Variants in PPP1R12A observed in about 807,000 individuals in gnomAD.
PPP1R12A encodes protein phosphatase 1 regulatory subunit 12A.
Under a neutral mutation model 139.6 loss-of-function variants are expected in PPP1R12A, and 19 were observed. The ratio of observed to expected loss-of-function variants is 0.14; its 90% confidence interval spans 0.09 to 0.20. The LOEUF (loss-of-function observed/expected upper bound fraction) is 0.20, where lower values mean the gene tolerates loss of function less well. Among genes scored for constraint, PPP1R12A ranks in the 10% least tolerant of loss-of-function variants. The pLI, the probability that PPP1R12A is intolerant of heterozygous loss-of-function variation, is 1.00. For missense variants in PPP1R12A, 925 were observed against 1,211.5 expected, an observed-to-expected ratio of 0.76 and a Z score of 3.51; for synonymous variants, 427 against 420.6, an observed-to-expected ratio of 1.02 and a Z score of -0.19.
intron 1 of PPP1R12A, among the ~76,000 whole-genome samples, chr12:79,891,173 T>TA (rs926047541): frequency 6.6e-6 from 1 of 152,088 alleles, no homozygotes; most frequent in Non-Finnish European, 1.5e-5. Flanking sequence ...GATATGTTTT[T>TA]AAAAAAATAA....
At chr12:79,791,537 AG>A (rs1324192160) in intron 19 of PPP1R12A, among the ~76,000 whole-genome samples, 1 of 152,172 alleles carries the variant, frequency 6.6e-6, no homozygotes, top group African/African-American at 2.4e-5. Context: ...TATGTTGCCC[AG>A]GTTGGTCTTG....
chr12:79,831,463 G>A (rs1051627227), intron 4 of PPP1R12A, among the ~76,000 whole-genome samples: 1 of 152,062 alleles, frequency 6.6e-6, no homozygotes, highest in Non-Finnish European at 1.5e-5. Flanking sequence ...CATGCTTGTA[G>A]TCCCAGCTAC....
intron 1 of PPP1R12A, among the ~76,000 whole-genome samples, chr12:79,921,601 A>G (rs958113029): frequency 2.6e-5 from 4 of 152,154 alleles, no homozygotes; most frequent in African/African-American, 7.2e-5. Flanking sequence ...ACTTATTTAC[A>G]TTGTAATCAT....
In PPP1R12A at chr12:79,795,641, T is replaced by C. The variant is rs375960816; in HGVS notation, c.2580A>G (p.Gln860=). 1.9e-5 allele frequency: 30 copies of C among 1,610,482 alleles called. No homozygotes were observed. The African/African-American group carries it at 2.3e-4, about 12-fold the overall frequency. The change falls in exon 18 of 25, where the codon CAA becomes CAG. Residue 860 remains glutamine, a synonymous_variant. Coordinates refer to ENST00000450142, the MANE Select transcript of PPP1R12A (RefSeq NM_002480.3). ...ATGTATTTTAATAGGTTCTCACATC[T>C]TGTGTCCAAAATGAAACTCCTGTAG... The part of the protein sequence containing the change: ...RRSTGVSFWT[Q]DSDENEQEQQ...
chr12:79,923,256 T>C (rs538884039), intron 1 of PPP1R12A, among the ~76,000 whole-genome samples: 2 of 152,238 alleles, frequency 1.3e-5, no homozygotes, highest in East Asian at 1.9e-4. Flanking sequence ...CCTGAGCTGC[T>C]GAGGGAGACT....
chr12:79,935,118 G>C (rs1413910480), upstream of PPP1R12A: 6 of 1,367,312 alleles, frequency 4.4e-6, no homozygotes, highest in African/African-American at 1.5e-5. Context: ...ACCCGGCCGA[G>C]CGGACCTCCC....
At chr12:79,812,447 G>A (rs1874720646) in intron 9 of PPP1R12A, among the ~76,000 whole-genome samples, 2 of 146,428 alleles carry the variant, frequency 1.4e-5, no homozygotes, top group South Asian at 4.3e-4. Context: ...GGCTGTGTGT[G>A]TTTGTGTGTG....
intron 2 of PPP1R12A, among the ~76,000 whole-genome samples, chr12:79,857,997 G>T (rs1334900986): frequency 6.6e-6 from 1 of 152,044 alleles, no homozygotes; most frequent in Admixed American, 6.6e-5. Context: ...AGTATACAAG[G>T]ATATAAATAC....
intron 1 of PPP1R12A, among the ~76,000 whole-genome samples, chr12:79,904,285 T>C (rs369758769): frequency 6.6e-6 from 1 of 151,924 alleles, no homozygotes; most frequent in East Asian, 1.9e-4. Context: ...ATGGCACTTA[T>C]ATGTGGTGCT....
intron 2 of PPP1R12A, among the ~76,000 whole-genome samples, chr12:79,853,225 T>G (rs999406594): frequency 6.6e-6 from 1 of 152,210 alleles, no homozygotes; most frequent in Non-Finnish European, 1.5e-5. Flanking sequence ...TGCTATGGTG[T>G]CCCTCTACTA....
chr12:79,849,442 T>C (rs1236606672), intron 2 of PPP1R12A, among the ~76,000 whole-genome samples: 1 of 152,094 alleles, frequency 6.6e-6, no homozygotes, highest in Non-Finnish European at 1.5e-5. Flanking sequence ...TTAAACAAAC[T>C]ACAGGCTATC....
intron 3 of PPP1R12A, among the ~76,000 whole-genome samples, chr12:79,844,267 G>A (rs1055065422): frequency 3.3e-5 from 5 of 151,996 alleles, no homozygotes; most frequent in Non-Finnish European, 7.4e-5. Flanking sequence ...CTGCAGACTC[G>A]CATATTCAAC....
chr12:79,845,567 G>A (rs1337547496), intron 2 of PPP1R12A, 147 bp from the exon 3 acceptor site: 2 of 593,940 alleles, frequency 3.4e-6, no homozygotes, highest in Non-Finnish European at 5.7e-6. Flanking sequence ...TATCAGGCCA[G>A]GCGCAGTGGC....
intron 9 of PPP1R12A, among the ~76,000 whole-genome samples, chr12:79,813,946 C>T (rs1319128592): frequency 1.3e-5 from 2 of 152,116 alleles, no homozygotes; most frequent in African/African-American, 4.8e-5. Flanking sequence ...AACTTGATAA[C>T]TTTATCTAAA....
rs1022042499 is a variant in PPP1R12A, at chr12:79,932,106, A to C, written c.237+2589T>G. The stretch of plus-strand genomic sequence containing the variant: ...AAAACCAGAAAGTAAATGAATATTC[A>C]AAAAACAATCAACAATTAACCCCGT... On this transcript the variant is annotated intron_variant, in intron 1 of 24. Transcript: ENST00000450142. 3.3e-5 allele frequency among the ~76,000 whole-genome samples: 5 copies of C among 152,218 alleles called. No homozygotes were observed. In the East Asian group the frequency reaches 9.6e-4, roughly 29 times the overall value.
chr12:79,841,068 AAG>A (rs943798768), intron 3 of PPP1R12A, among the ~76,000 whole-genome samples: 4 of 150,190 alleles, frequency 2.7e-5, no homozygotes, highest in East Asian at 1.9e-4. Context: ...AAAAAAAAAA[AAG>A]AGAGAGAGAG....
chr12:79,840,281 C>G (rs542026397), intron 3 of PPP1R12A, among the ~76,000 whole-genome samples: 12 of 152,280 alleles, frequency 7.9e-5, no homozygotes, highest in African/African-American at 2.9e-4. Flanking sequence ...GGCTCAATGC[C>G]TGGCATATAA....
intron 1 of PPP1R12A, among the ~76,000 whole-genome samples, chr12:79,894,922 C>A (rs573721210): frequency 2.0e-5 from 3 of 152,104 alleles, no homozygotes; most frequent in Non-Finnish European, 4.4e-5. Context: ...TATCTGACAA[C>A]TTTTTATCTT....
At chr12:79,778,653 T>G (rs1870037022) in intron 23 of PPP1R12A, 53 bp from the exon 24 acceptor site, 1 of 1,227,238 alleles carries the variant, frequency 8.1e-7, no homozygotes, top group Non-Finnish European at 1.1e-6. Flanking sequence ...TATTCTTAAG[T>G]CTTCTTCTAT....
Sources: gnomAD v4.1 joint callset for allele counts (sites outside exome capture counted in the v4.1 genomes callset) on GRCh38, gnomAD v4.1.1 for gene constraint, MANE v1.5 for transcripts, NCBI Gene and HGNC (gene_info 2026-07-23, HGNC 2026-07-21) for gene names.